TPGS2: variants seen among roughly 807,000 people sequenced by gnomAD.
TPGS2 encodes tubulin polyglutamylase complex subunit 2.
Under a neutral mutation model 31.1 loss-of-function variants are expected in TPGS2, and 26 were observed. That is an observed-to-expected ratio of 0.84 (90% CI 0.61 to 1.16). The LOEUF (loss-of-function observed/expected upper bound fraction) is 1.16. Ranked by LOEUF, TPGS2 falls within the 50% of genes most tolerant of loss-of-function variation. TPGS2 has a pLI of 0.00. For missense variants in TPGS2, 351 were observed against 363.8 expected (o/e 0.96, Z 0.29); for synonymous variants, 130 against 136.6 (o/e 0.95, Z 0.34).
At chr18:36,786,832 C>T (rs1405956613) in intron 6 of TPGS2, 1 of 1,234,318 alleles carries the variant, frequency 8.1e-7, no homozygotes, top group South Asian at 4.1e-5. Flanking sequence ...TCAGAAGCAA[C>T]ACCTAACAGT....
Position 36,796,712 on chromosome 18 carries a change from C to T in TPGS2, c.*93G>A, listed in dbSNP as rs900344703. On this transcript the variant is annotated 3_prime_UTR_variant, in exon 7 of 7. Transcript: ENST00000334295. Reference sequence around the variant, plus strand: ...GGTCATTCAACTAGAAAGAGGCCTACGGTCCACACGCAAAACTGGAGGTCA... The same window carrying T: ...GGTCATTCAACTAGAAAGAGGCCTATGGTCCACACGCAAAACTGGAGGTCA... 3.9e-5 allele frequency: 58 copies of T among 1,499,810 alleles called. No homozygotes were observed. The highest frequency in any genetic ancestry group is 4.8e-5 in the Non-Finnish European group (54 of 1,133,026). The allele number at this position is 1,499,810 out of a possible 1,614,324, so 92.9% of individuals were successfully genotyped here.
chr18:36,800,176 C>A (rs1436505166), intron 5 of TPGS2, 22 bp downstream of exon 5: 1 of 1,608,344 alleles, frequency 6.2e-7, no homozygotes, highest in South Asian at 1.1e-5. Flanking sequence ...ACTACGGGAC[C>A]ACGCTTGTAA....
In TPGS2 at chr18:36,824,120, GA is replaced by G. The variant is rs775297658; in HGVS notation, c.85+4562del. Among the ~76,000 whole-genome samples the G allele has an allele frequency of 5.3e-5, 8 of 152,048 alleles. 1 individual carries two copies. The highest frequency in any genetic ancestry group is 7.4e-5 in the Non-Finnish European group (5 of 68,022). On this transcript the variant is annotated intron_variant, in intron 1 of 6. Transcript: ENST00000334295. ...CTCTTCTGGACATTTCATATAAATG[GA>G]ATCATACATGTGGCTTTTGCAACTG...
chr18:36,803,735 TA>T (rs1415664457), intron 4 of TPGS2, among the ~76,000 whole-genome samples: 1 of 152,214 alleles, frequency 6.6e-6, no homozygotes, highest in African/African-American at 2.4e-5. Flanking sequence ...CAGGTCTCAA[TA>T]AAATACATAT....
At chr18:36,826,836 A>G (rs566202411) in intron 1 of TPGS2, among the ~76,000 whole-genome samples, 16 of 152,306 alleles carry the variant, frequency 1.1e-4, no homozygotes, top group Non-Finnish European at 2.2e-4. Context: ...TCACCATTAC[A>G]TATGATGTTA....
downstream of TPGS2, chr18:36,781,768 G>A (rs1347143032): frequency 1.1e-5 from 11 of 985,338 alleles, no homozygotes; most frequent in Non-Finnish European, 1.3e-5. Flanking sequence ...CTCTGTGCCT[G>A]TGTTCCCCTC....
At chr18:36,803,381 T>C (rs569582532) in intron 4 of TPGS2, among the ~76,000 whole-genome samples, 7 of 152,312 alleles carry the variant, frequency 4.6e-5, no homozygotes, top group Admixed American at 2.0e-4. Context: ...GCTGAGTTAA[T>C]GTCAGTGTGC....
At chr18:36,806,445 C>T (rs982348418) in intron 3 of TPGS2, among the ~76,000 whole-genome samples, 26 of 152,236 alleles carry the variant, frequency 1.7e-4, no homozygotes, top group Admixed American at 6.5e-4. Flanking sequence ...CCAAAAGCCA[C>T]GGCCATGCTA....
chr18:36,788,082 A>G (rs1040294137), intron 6 of TPGS2, among the ~76,000 whole-genome samples: 3 of 152,184 alleles, frequency 2.0e-5, no homozygotes, highest in Non-Finnish European at 4.4e-5. Flanking sequence ...CAAATGTAAG[A>G]CAGATTTTTG....
rs761209946 is a variant in TPGS2, at chr18:36,800,217, G to C, written c.477C>G (p.Val159=). ...TCTTACCTGGTTTCCCACTTTTGTA[G>C]ACAAGGCAAACTTTCCCACTGCCAT... The part of the protein sequence containing the change: ...SCNGSGKVCL[V]YKSGKPALAE... Residue 159 remains valine, a synonymous_variant, in exon 5 of 7, where the codon GTC becomes GTG. Coordinates refer to ENST00000334295, the MANE Select transcript of TPGS2 (RefSeq NM_015476.4). The C allele has an allele frequency of 6.2e-7, 1 of 1,614,074 alleles. No individual in the cohort carries two copies. Among genetic ancestry groups the C allele is most frequent in the Non-Finnish European group, 8.5e-7 (1 of 1,179,962 alleles).
chr18:36,796,789 T>C lies in TPGS2; in HGVS notation c.*16A>G. 1 of 1,586,166 alleles carries C rather than the reference T, an allele frequency of 6.3e-7. No homozygotes were observed. The highest frequency in any genetic ancestry group is 8.5e-7 in the Non-Finnish European group (1 of 1,172,040). The stretch of plus-strand genomic sequence containing the variant: ...CCACCACTCTGGAGCTGGTAGGGAG[T>C]TGGAGGGAGGGGTGCTCACTTCCGG... On this transcript the variant is annotated 3_prime_UTR_variant, in exon 7 of 7. Transcript: ENST00000334295.
At chr18:36,800,640 A>ATTGT (rs1039432308) in intron 4 of TPGS2, among the ~76,000 whole-genome samples, 2 of 151,974 alleles carry the variant, frequency 1.3e-5, no homozygotes, top group African/African-American at 2.4e-5. Context: ...CTTTCCTGAG[A>ATTGT]TTGTTTATTC....
At position 36,828,017 on chromosome 18, in the gene TPGS2, G is replaced by A. The variant is rs184551305; in HGVS notation, c.85+666C>T. Among the ~76,000 whole-genome samples the A allele has an allele frequency of 8.0e-3, 1,212 of 152,118 alleles. 2 individuals carry two copies. Among genetic ancestry groups the A allele is most frequent in the Non-Finnish European group, 0.014 (953 of 67,980 alleles). ...AGGTCAGGAGTTCGAGACCAGCCTG[G>A]CCAACATGGTGGAACCCTGTCTCTA... is the stretch of plus-strand genomic sequence containing the variant. On this transcript the variant is annotated intron_variant, in intron 1 of 6. Coordinates refer to ENST00000334295, the MANE Select transcript of TPGS2 (RefSeq NM_015476.4).
chr18:36,825,305 GCCTGGAGTCCCAGCTGC>G (rs2046082298), intron 1 of TPGS2, among the ~76,000 whole-genome samples: 1 of 151,764 alleles, frequency 6.6e-6, no homozygotes, highest in African/African-American at 2.4e-5. Flanking sequence ...GGTGGTGGGC[GCCTGGAGTCCCAGCTGC>G]CCGGGAGGAT....
chr18:36,811,611 C>A (rs2045431458), intron 2 of TPGS2, among the ~76,000 whole-genome samples: 2 of 152,102 alleles, frequency 1.3e-5, no homozygotes, highest in South Asian at 4.1e-4. Flanking sequence ...GTGGGGGAAG[C>A]CTTTGCATCT....
chr18:36,815,613 C>CT (rs34425185), intron 2 of TPGS2, among the ~76,000 whole-genome samples: 21 of 150,876 alleles, frequency 1.4e-4, no homozygotes, highest in East Asian at 3.9e-4. Context: ...TCCTAGGAGA[C>CT]TTTTTTTTTG....
chr18:36,826,398 T>C (rs1305235232), intron 1 of TPGS2, among the ~76,000 whole-genome samples: 1 of 132,856 alleles, frequency 7.5e-6, no homozygotes, highest in African/African-American at 3.0e-5. Flanking sequence ...ATTGCTGGTG[T>C]ATAGGCTGTG....
At chr18:36,802,786 CCT>C (rs2044890906) in intron 4 of TPGS2, among the ~76,000 whole-genome samples, 1 of 152,050 alleles carries the variant, frequency 6.6e-6, no homozygotes, top group Non-Finnish European at 1.5e-5. Flanking sequence ...CGCCACCACG[CCT>C]GGCTAATTTT....
chr18:36,782,590 G>T (rs2044043204), downstream of TPGS2, among the ~76,000 whole-genome samples: 1 of 151,632 alleles, frequency 6.6e-6, no homozygotes, highest in Non-Finnish European at 1.5e-5. Context: ...CTCTTTTTTT[G>T]GTGGGGAGAT....
Sources: allele counts gnomAD v4.1 joint callset (sites outside exome capture counted in the v4.1 genomes callset), GRCh38; gene constraint gnomAD v4.1.1; transcripts MANE v1.5; gene names NCBI Gene and HGNC (gene_info 2026-07-23, HGNC 2026-07-21).